SGMS2: variants seen among roughly 807,000 people sequenced by gnomAD.
The protein encoded by SGMS2 is phosphatidylcholine:ceramide cholinephosphotransferase 2.
Under a neutral mutation model 43.8 loss-of-function variants are expected in SGMS2, and 21 were observed. That is an observed-to-expected ratio of 0.48 (90% confidence interval 0.34 to 0.69). The LOEUF (loss-of-function observed/expected upper bound fraction) is 0.69. SGMS2 is among the 30% of genes least tolerant of loss of function. The pLI is 0.01. For missense variants in SGMS2, 384 were observed against 443.2 expected, an observed-to-expected ratio of 0.87 and a Z score of 1.20; for synonymous variants, 167 against 160.6, an observed-to-expected ratio of 1.04 and a Z score of -0.30.
chr4:107,908,819 G>T, intron 6 of SGMS2, 88 bp downstream of exon 6: 1 of 1,180,876 alleles, frequency 8.5e-7, no homozygotes, highest in Non-Finnish European at 1.2e-6. Flanking sequence ...TAGCCTAATG[G>T]GGATAACCGA....
intron 2 of SGMS2, among the ~76,000 whole-genome samples, chr4:107,888,680 C>T (rs1258039790): frequency 2.6e-5 from 4 of 151,978 alleles, no homozygotes; most frequent in African/African-American, 7.3e-5. Flanking sequence ...TTATACATAA[C>T]CTTTAAATAA....
intron 1 of SGMS2, among the ~76,000 whole-genome samples, chr4:107,848,962 T>C (rs1371122680): frequency 6.6e-6 from 1 of 152,206 alleles, no homozygotes; most frequent in Non-Finnish European, 1.5e-5. Context: ...AACAACCTAT[T>C]GCCAAACCTA....
chr4:107,852,239 A>ATT (rs982103122), intron 1 of SGMS2, among the ~76,000 whole-genome samples: 1 of 145,392 alleles, frequency 6.9e-6, no homozygotes, highest in Non-Finnish European at 1.5e-5. Flanking sequence ...CACCCAGCTA[A>ATT]TTTTTTTTTT....
chr4:107,853,193 CAG>C (rs1339079389), intron 1 of SGMS2, among the ~76,000 whole-genome samples: 1 of 151,992 alleles, frequency 6.6e-6, no homozygotes, highest in African/African-American at 2.4e-5. Flanking sequence ...GAAGACCTAA[CAG>C]AAACTGTAGA....
At chr4:107,845,144 A>C (rs898357225) in intron 1 of SGMS2, among the ~76,000 whole-genome samples, 4 of 152,200 alleles carry the variant, frequency 2.6e-5, no homozygotes, top group African/African-American at 9.7e-5. Context: ...CAGGGAGCAG[A>C]AAGTTATAGA....
At chr4:107,840,345 T>A (rs2125997311) in intron 1 of SGMS2, among the ~76,000 whole-genome samples, 1 of 152,278 alleles carries the variant, frequency 6.6e-6, no homozygotes, top group East Asian at 1.9e-4. Flanking sequence ...CGAGGGCTGT[T>A]TTTGGGTGGT....
intron 3 of SGMS2, among the ~76,000 whole-genome samples, chr4:107,899,313 C>A (rs555898329): frequency 7.2e-4 from 109 of 152,288 alleles, no homozygotes; most frequent in Middle Eastern, 3.4e-3. Context: ...CCCACACACA[C>A]ACATCCTTTG....
chr4:107,908,245 C>G (rs1334634271), intron 5 of SGMS2: 4 of 206,056 alleles, frequency 1.9e-5, no homozygotes, highest in Non-Finnish European at 3.9e-5. Context: ...CAGTATGCAG[C>G]AATTCCAGCA....
At chr4:107,866,475 A>G (rs561272126) in intron 2 of SGMS2, among the ~76,000 whole-genome samples, 3 of 152,046 alleles carry the variant, frequency 2.0e-5, no homozygotes, top group Admixed American at 2.0e-4. Context: ...CTGAGGCAGG[A>G]GAATCGCTTG....
chr4:107,910,329 AT>A lies in SGMS2; in HGVS notation c.895-14del, dbSNP rs758622769. On this transcript the variant is annotated intron_variant, in intron 6 of 6. Coordinates refer to ENST00000690982, the MANE Select transcript of SGMS2 (RefSeq NM_001375905.1). Reference sequence around the variant, plus strand: ...ATTGAGAAAGATATGTCTCATTTAAATTTTTTTCTACCATTTACAGAACTTG... The same window carrying A: ...ATTGAGAAAGATATGTCTCATTTAAATTTTTTCTACCATTTACAGAACTTG... 3.3e-5 allele frequency: 52 copies of A among 1,598,118 alleles called. No individual in the cohort carries two copies. In the African/African-American group the frequency reaches 6.7e-4, roughly 21 times the overall value.
At chr4:107,844,976 T>C (rs1323571016) in intron 1 of SGMS2, among the ~76,000 whole-genome samples, 9 of 152,152 alleles carry the variant, frequency 5.9e-5, no homozygotes, top group African/African-American at 1.9e-4. Context: ...TGGCAGATGA[T>C]TGTAGCTCTC....
At chr4:107,868,717 C>CA (rs35709806) in intron 2 of SGMS2, among the ~76,000 whole-genome samples, 6,681 of 143,076 alleles carry the variant, frequency 0.047, 169 homozygotes, top group Non-Finnish European at 0.06. Context: ...GACTTTGTCT[C>CA]AAAAAAAAAA....
At chr4:107,833,271 A>T (rs1423760590) in intron 1 of SGMS2, among the ~76,000 whole-genome samples, 1 of 152,164 alleles carries the variant, frequency 6.6e-6, no homozygotes, top group Admixed American at 6.5e-5. Context: ...TAAAATAGTT[A>T]AAAATCTTTA....
intron 1 of SGMS2, among the ~76,000 whole-genome samples, chr4:107,856,912 A>T (rs1023359606): frequency 6.6e-6 from 1 of 152,246 alleles, no homozygotes; most frequent in African/African-American, 2.4e-5. Context: ...AAAGTGTACA[A>T]ATCAGTAGTT....
At chr4:107,855,414 A>C (rs577127584) in intron 1 of SGMS2, among the ~76,000 whole-genome samples, 44 of 152,280 alleles carry the variant, frequency 2.9e-4, no homozygotes, top group African/African-American at 1.1e-3. Flanking sequence ...ATTTTGAGAA[A>C]TGTTTAAATT....
At chr4:107,884,161 C>CT (rs1391461479) in intron 2 of SGMS2, among the ~76,000 whole-genome samples, 1 of 152,116 alleles carries the variant, frequency 6.6e-6, no homozygotes, top group Non-Finnish European at 1.5e-5. Context: ...TCATGAAGCC[C>CT]TGTGAACTGA....
At chr4:107,841,795 A>C (rs1321691478) in intron 1 of SGMS2, among the ~76,000 whole-genome samples, 3 of 151,942 alleles carry the variant, frequency 2.0e-5, no homozygotes, top group African/African-American at 7.3e-5. Flanking sequence ...ACTACCATGC[A>C]TGCCACCATG....
chr4:107,909,422 T>C (rs1731919224), intron 6 of SGMS2, among the ~76,000 whole-genome samples: 1 of 152,144 alleles, frequency 6.6e-6, no homozygotes, highest in Non-Finnish European at 1.5e-5. Flanking sequence ...ATAGCAGCTA[T>C]TGTTTAAAAT....
At chr4:107,872,327 A>C (rs1728608534) in intron 2 of SGMS2, among the ~76,000 whole-genome samples, 1 of 152,050 alleles carries the variant, frequency 6.6e-6, no homozygotes, top group Non-Finnish European at 1.5e-5. Context: ...TGGTGAGCCT[A>C]ATTGAATAGC....
Sources: gnomAD v4.1 joint callset for allele counts (sites outside exome capture counted in the v4.1 genomes callset) on GRCh38, gnomAD v4.1.1 for gene constraint, MANE v1.5 for transcripts, NCBI Gene and HGNC (gene_info 2026-07-23, HGNC 2026-07-21) for gene names.